The following SRGAP2 variants were observed in gnomAD, a reference collection of about 807,000 sequenced individuals.
SRGAP2 encodes SLIT-ROBO Rho GTPase activating protein 2, also known as SLIT-ROBO Rho GTPase-activating protein 2.
SRGAP2 carries 15 observed loss-of-function variants against 57.2 expected under a neutral mutation model. The observed-to-expected ratio is 0.26, with a 90% CI of 0.18 to 0.40. The LOEUF (loss-of-function observed/expected upper bound fraction) is 0.40. SRGAP2 is among the 10% of genes least tolerant of loss of function. The probability of loss-of-function intolerance (pLI) is 1.00; values close to 1 mark genes in which losing one functional copy is unlikely to be tolerated. For synonymous variants in SRGAP2, 249 were observed against 248.0 expected (o/e 1.00, Z -0.04); for missense variants, 520 against 669.6 (o/e 0.78, Z 2.47).
chr1:206,276,417 A>G (rs1284004915), intron 2 of SRGAP2, among the ~76,000 whole-genome samples: 3 of 146,258 alleles, frequency 2.1e-5, no homozygotes, highest in Admixed American at 7.0e-5. Flanking sequence ...GCTTCTTTCC[A>G]CTTCCCCTCC....
chr1:206,438,761 C>G (rs1662004897), intron 16 of SRGAP2, among the ~76,000 whole-genome samples: 1 of 152,228 alleles, frequency 6.6e-6, no homozygotes, highest in African/African-American at 2.4e-5. Flanking sequence ...AGCCTGGAAG[C>G]AGGCCCTGTC....
chr1:206,402,361 A>G (rs569396221), intron 8 of SRGAP2, among the ~76,000 whole-genome samples: 1 of 152,158 alleles, frequency 6.6e-6, no homozygotes, highest in Non-Finnish European at 1.5e-5. Context: ...AAAAGGGCCT[A>G]AAAAAGCTAA....
At chr1:206,260,725 G>A (rs1345296650) in intron 2 of SRGAP2, among the ~76,000 whole-genome samples, 2 of 152,196 alleles carry the variant, frequency 1.3e-5, no homozygotes, top group African/African-American at 4.8e-5. Context: ...CTACTTTATT[G>A]AATCAGTTCC....
intron 2 of SRGAP2, among the ~76,000 whole-genome samples, chr1:206,217,201 C>T (rs1453772202): frequency 2.0e-5 from 3 of 151,486 alleles, no homozygotes; most frequent in Non-Finnish European, 4.4e-5. Context: ...TTTGTGTGTG[C>T]GTGTGTTTAT....
intron 17 of SRGAP2, among the ~76,000 whole-genome samples, chr1:206,443,734 A>G (rs1438414258): frequency 1.3e-5 from 2 of 152,234 alleles, no homozygotes; most frequent in African/African-American, 4.8e-5. Context: ...CTCTTACACT[A>G]GACACAGCCT....
chr1:206,254,099 T>A (rs1367027870), intron 2 of SRGAP2, among the ~76,000 whole-genome samples: 2 of 115,404 alleles, frequency 1.7e-5, no homozygotes, highest in Non-Finnish European at 3.5e-5. Flanking sequence ...ATATTACCCC[T>A]CATATCCTAG....
At chr1:206,299,627 G>A (rs1671772415) in intron 2 of SRGAP2, among the ~76,000 whole-genome samples, 1 of 152,066 alleles carries the variant, frequency 6.6e-6, no homozygotes, top group African/African-American at 2.4e-5. Flanking sequence ...GTCTTTGTAG[G>A]AGCAGCAGCA....
intron 3 of SRGAP2, among the ~76,000 whole-genome samples, chr1:206,324,602 C>A (rs1673730888): frequency 6.6e-6 from 1 of 151,952 alleles, no homozygotes; most frequent in Non-Finnish European, 1.5e-5. Flanking sequence ...ATTGTCTGCC[C>A]TTGTCGGGAG....
intron 5 of SRGAP2, among the ~76,000 whole-genome samples, chr1:206,390,907 T>C (rs1656875218): frequency 6.6e-6 from 1 of 152,108 alleles, no homozygotes; most frequent in African/African-American, 2.4e-5. Flanking sequence ...TAATTTAGAC[T>C]CTAATGTACT....
At position 206,458,676 on chromosome 1, in the gene SRGAP2, G is replaced by A. The variant is rs782144033; in HGVS notation, c.2561G>A (p.Ser854Asn). 1.3e-6 allele frequency: 1 copy of A among 777,858 alleles called. No individual in the cohort carries two copies. Among genetic ancestry groups the A allele is most frequent in the East Asian group, 2.4e-5 (1 of 41,170 alleles). The allele number at this position is 777,858 out of a possible 1,614,324, so 48.2% of individuals were successfully genotyped here. A position where few individuals can be genotyped will look rare whatever the true frequency, so the allele number is the denominator to read the frequency against. ...ATCCGGAAAACTTTTCGGAGTGACA[G>A]CCATGGGCTGAGCAGTTCCCTGACT... ...GSIRKTFRSDSHGLSSSLTDS... is the reference protein window; with the variant it reads ...GSIRKTFRSDNHGLSSSLTDS... The change falls in exon 22 of 23, where the codon AGC (serine) becomes AAC (asparagine). Residue 854 changes from serine to asparagine, a missense_variant. Ser to Asn is a conservative substitution (Grantham distance 46). Transcript: ENST00000573034.
chr1:206,306,076 T>C (rs1312828975), intron 3 of SRGAP2, among the ~76,000 whole-genome samples: 2 of 152,086 alleles, frequency 1.3e-5, no homozygotes, highest in African/African-American at 2.4e-5. Context: ...TTTTTAGTAC[T>C]ATATCATATT....
rs374019069 is a variant in SRGAP2 at position 206,427,069 on chromosome 1, A to G, written c.1495-3093A>G. On this transcript the variant is annotated intron_variant, in intron 13 of 22. Transcript: ENST00000573034. ...CCAGTACCCTTGAAGCATTGCCCCA[A>G]TGGTTTTTTTTTTAGTCATTTCATA... 7.5e-4 allele frequency among the ~76,000 whole-genome samples: 113 copies of G among 150,964 alleles called. 1 individual carries two copies. Among genetic ancestry groups the G allele is most frequent in the South Asian group, 4.4e-3 (21 of 4,808 alleles).
At chr1:206,295,680 A>G (rs1314360593) in intron 2 of SRGAP2, among the ~76,000 whole-genome samples, 2 of 150,874 alleles carry the variant, frequency 1.3e-5, no homozygotes, top group Non-Finnish European at 3.0e-5. Flanking sequence ...TCTGTACTAT[A>G]TAATTATATA....
chr1:206,334,525 G>C (rs1446430535), intron 3 of SRGAP2, among the ~76,000 whole-genome samples: 2 of 152,106 alleles, frequency 1.3e-5, no homozygotes, highest in Non-Finnish European at 2.9e-5. Context: ...CGGGTATTTG[G>C]GAGGGGGAGA....
chr1:206,461,405 G>T lies in SRGAP2; in HGVS notation c.3201G>T (p.Lys1067Asn). Residue 1067 changes from lysine (K) to asparagine (N), a missense_variant, in exon 23 of 23, where the codon AAG becomes AAT. Physicochemically the swap from Lys to Asn is moderately conservative, Grantham distance 94. Around this residue, in one of 5 missense-constraint regions of SRGAP2, gnomAD observed 478 missense variants for 373.6 expected, o/e 1.28. Coordinates refer to ENST00000573034, the MANE Select transcript of SRGAP2 (RefSeq NM_015326.5). ...NSSTSPQSTDKSCTV is the reference protein window; with the variant it reads ...NSSTSPQSTDNSCTV ...CAACTTCCCCACAGTCTACTGACAA[G>T]TCTTGTACTGTCTGAGGGATAATAA... is the stretch of plus-strand genomic sequence containing the variant. 1.3e-6 allele frequency: 1 copy of T among 772,596 alleles called. No individual in the cohort carries two copies. The allele number at this position is 772,596 out of a possible 1,614,324, so 47.9% of individuals were successfully genotyped here. A position where few individuals can be genotyped will look rare whatever the true frequency, so the allele number is the denominator to read the frequency against.
intron 10 of SRGAP2, among the ~76,000 whole-genome samples, chr1:206,414,286 C>G (rs1223973623): frequency 6.6e-6 from 1 of 152,158 alleles, no homozygotes. Context: ...ATCCATCTGT[C>G]TCAGCCTCCA....
At chr1:206,282,127 A>T (rs1188918720) in intron 2 of SRGAP2, among the ~76,000 whole-genome samples, 2 of 76,596 alleles carry the variant, frequency 2.6e-5, no homozygotes, top group South Asian at 5.8e-4. Context: ...TGTCAGCTGC[A>T]TCCAACCTAA....
At chr1:206,389,918 T>C (rs547378147) in intron 5 of SRGAP2, among the ~76,000 whole-genome samples, 2 of 151,800 alleles carry the variant, frequency 1.3e-5, no homozygotes, top group Admixed American at 6.6e-5. Flanking sequence ...TATATATACA[T>C]ATATGTGTAG....
At chr1:206,319,006 C>T (rs1339079646) in intron 3 of SRGAP2, among the ~76,000 whole-genome samples, 3 of 152,070 alleles carry the variant, frequency 2.0e-5, no homozygotes, top group Admixed American at 6.5e-5. Flanking sequence ...CTCTGAAGGA[C>T]GCAACTCAGG....
Sources: allele counts gnomAD v4.1 joint callset (sites outside exome capture counted in the v4.1 genomes callset), GRCh38; gene constraint gnomAD v4.1.1; regional missense constraint gnomAD v4.1.1; transcripts MANE v1.5; gene names NCBI Gene and HGNC (gene_info 2026-07-23, HGNC 2026-07-21).